Variants in AREL1 observed in about 807,000 individuals in gnomAD.
AREL1 encodes apoptosis-resistant E3 ubiquitin protein ligase 1.
In AREL1, 62 loss-of-function variants were observed where a neutral mutation model predicts 99.0. The ratio of observed to expected loss-of-function variants is 0.63; its 90% CI spans 0.51 to 0.77. AREL1 has a LOEUF of 0.77. AREL1 is among the 30% of genes least tolerant of loss of function. The pLI is 0.00. For missense variants in AREL1, 879 were observed against 1,027.6 expected (o/e 0.86, Z 1.98); for synonymous variants, 380 against 376.5 (o/e 1.01, Z -0.11).
chr14:74,674,382 T>C (rs980083272), intron 8 of AREL1, among the ~76,000 whole-genome samples: 1 of 152,144 alleles, frequency 6.6e-6, no homozygotes, highest in Non-Finnish European at 1.5e-5. Context: ...GGCAGATCAC[T>C]TGAGGCCAGG....
Position 74,669,787 on chromosome 14 carries a change from A to G in AREL1, c.1789-13T>C. On this transcript the variant is annotated splice_polypyrimidine_tract_variant and intron_variant, in intron 14 of 19. Coordinates refer to ENST00000356357, the MANE Select transcript of AREL1 (RefSeq NM_001039479.2). ...CTGTTTCAAAGTACTGAGGAGGCAG[A>G]AAGACACAGAACAGAACATGAATAC... The G allele has an allele frequency of 6.2e-7, 1 of 1,614,112 alleles. No individual in the cohort carries two copies. Among genetic ancestry groups the G allele is most frequent in the Non-Finnish European group, 8.5e-7 (1 of 1,179,976 alleles).
chr14:74,687,001 T>C (rs1431559617), intron 2 of AREL1, among the ~76,000 whole-genome samples: 8 of 152,136 alleles, frequency 5.3e-5, no homozygotes, highest in Non-Finnish European at 8.8e-5. Context: ...ACAGCTATCA[T>C]CTCAAAAATC....
chr14:74,699,345 A>AGG (rs1392551359), intron 1 of AREL1, among the ~76,000 whole-genome samples: 6 of 137,224 alleles, frequency 4.4e-5, no homozygotes, highest in East Asian at 2.1e-4. Flanking sequence ...AGTGACAGTG[A>AGG]GGGGTGTGTG....
chr14:74,678,839 T>C (rs2089558011), intron 5 of AREL1, among the ~76,000 whole-genome samples: 1 of 152,246 alleles, frequency 6.6e-6, no homozygotes, highest in South Asian at 2.1e-4. Context: ...AGACCAAAGA[T>C]TTCTTAGACA....
intron 3 of AREL1, 47 bp downstream of exon 3, chr14:74,685,553 G>A: frequency 6.2e-7 from 1 of 1,611,318 alleles, no homozygotes; most frequent in Non-Finnish European, 8.5e-7. Flanking sequence ...AAGGACCCAA[G>A]CAACCTTTAC....
chr14:74,679,627 G>T (rs913768461), intron 5 of AREL1, among the ~76,000 whole-genome samples: 13 of 151,992 alleles, frequency 8.6e-5, no homozygotes, highest in Non-Finnish European at 2.9e-5. Flanking sequence ...AGGAGTTTGA[G>T]ACCAGCCTGT....
At chr14:74,667,621 A>G in intron 15 of AREL1, 27 bp from the exon 16 acceptor site, 1 of 1,575,254 alleles carries the variant, frequency 6.3e-7, no homozygotes, top group Non-Finnish European at 8.6e-7. Context: ...AAGACAGACA[A>G]GGGAGAGGCT....
At position 74,684,550 on chromosome 14, in the gene AREL1, G is replaced by C; in HGVS notation, c.147C>G (p.Tyr49Ter). ...ERRGDRTIYD[Y>*]VRGNYLDPRS... Reference sequence around the variant, plus strand: ...GGGGATCCAGGTAATTTCCCCGCACGTAGTCATAAATAGTCCGGTCCCCTC... The same window carrying C: ...GGGGATCCAGGTAATTTCCCCGCACCTAGTCATAAATAGTCCGGTCCCCTC... The change falls in exon 4 of 20, where the codon TAC becomes TAG. Residue 49 changes from tyrosine (Y) to a stop codon, truncating the protein, a stop_gained. Transcript: ENST00000356357. LOFTEE classifies it high-confidence loss of function. The C allele has an allele frequency of 5.0e-6, 8 of 1,614,150 alleles. No homozygotes were observed. Among genetic ancestry groups the C allele is most frequent in the Non-Finnish European group, 6.8e-6 (8 of 1,180,020 alleles).
chr14:74,671,112 A>G (rs1490149310), intron 12 of AREL1, among the ~76,000 whole-genome samples: 1 of 152,132 alleles, frequency 6.6e-6, no homozygotes, highest in African/African-American at 2.4e-5. Flanking sequence ...CGGAGATCCC[A>G]GGAAATGGAC....
intron 1 of AREL1, among the ~76,000 whole-genome samples, chr14:74,709,005 A>C (rs1484131823): frequency 6.6e-6 from 1 of 151,568 alleles, no homozygotes; most frequent in Non-Finnish European, 1.5e-5. Context: ...AATAAGGTTA[A>C]ACAACCTCAA....
intron 2 of AREL1, chr14:74,691,147 G>C (rs1275470998): frequency 2.0e-5 from 3 of 152,074 alleles, no homozygotes; most frequent in Non-Finnish European, 2.9e-5. Flanking sequence ...GCAAAACCCT[G>C]TCTCTACAAA....
chr14:74,699,458 T>C (rs1381282908), intron 1 of AREL1, among the ~76,000 whole-genome samples: 1 of 151,510 alleles, frequency 6.6e-6, no homozygotes, highest in Non-Finnish European at 1.5e-5. Flanking sequence ...TAGAATGGCG[T>C]CCCATCCAGC....
chr14:74,711,155 T>C (rs1358119790), intron 1 of AREL1, among the ~76,000 whole-genome samples: 3 of 148,148 alleles, frequency 2.0e-5, no homozygotes, highest in Admixed American at 1.4e-4. Flanking sequence ...CGCTTAAACC[T>C]GGGAGGTGGA....
Position 74,663,826 on chromosome 14 carries a change from G to T in AREL1, c.2370-4C>A, listed in dbSNP as rs1459001580. ...AGGGAGGCACAGCTGGTTAAAACTG[G>T]AAGGGCAAGGGAGAAGTGATTAACT... On this transcript the variant is annotated splice_region_variant and splice_polypyrimidine_tract_variant and intron_variant, in intron 19 of 19. Coordinates refer to ENST00000356357, the MANE Select transcript of AREL1 (RefSeq NM_001039479.2). 6.2e-7 allele frequency: 1 copy of T among 1,614,168 alleles called. No homozygotes were observed. The highest frequency in any genetic ancestry group is 2.2e-5 in the East Asian group (1 of 44,882).
chr14:74,683,550 A>G lies in AREL1; in HGVS notation c.244-17T>C, dbSNP rs372395020. On this transcript the variant is annotated splice_polypyrimidine_tract_variant and intron_variant, in intron 4 of 19. Coordinates refer to ENST00000356357, the MANE Select transcript of AREL1 (RefSeq NM_001039479.2). ...ATAGAATAACTGCCATGGGGAGAAG[A>G]AGGACACCTGTTAGCAAGCAGAGGA... 3.6e-5 allele frequency: 58 copies of G among 1,610,196 alleles called. No individual in the cohort carries two copies. In the Admixed American group the frequency reaches 5.5e-4, roughly 15 times the overall value.
intron 5 of AREL1, among the ~76,000 whole-genome samples, chr14:74,677,497 CTCCT>C (rs2089515125): frequency 2.2e-5 from 3 of 133,888 alleles, no homozygotes; most frequent in Admixed American, 8.3e-5. Flanking sequence ...CCCTGTCTCT[CTCCT>C]TTTTTTTTTT....
At chr14:74,690,140 C>T (rs2089843231) in intron 2 of AREL1, among the ~76,000 whole-genome samples, 1 of 151,592 alleles carries the variant, frequency 6.6e-6, no homozygotes, top group Non-Finnish European at 1.5e-5. Flanking sequence ...ATCCAAGCTA[C>T]TGGAGGCAAG....
At chr14:74,698,539 G>A (rs2090017428) in intron 1 of AREL1, among the ~76,000 whole-genome samples, 1 of 152,196 alleles carries the variant, frequency 6.6e-6, no homozygotes, top group Admixed American at 6.5e-5. Context: ...CGTGATAAAA[G>A]CTAAAGTCAC....
In AREL1 at chr14:74,661,364, C is replaced by T. The variant is rs1329905094; in HGVS notation, c.*2356G>A. 1 of 455,920 alleles carries T rather than the reference C, an allele frequency of 2.2e-6. No individual in the cohort carries two copies. The allele number at this position is 455,920 out of a possible 1,614,324, so 28.2% of individuals were successfully genotyped here. On this transcript the variant is annotated 3_prime_UTR_variant, in exon 20 of 20. Transcript: ENST00000356357. Reference sequence around the variant, plus strand: ...AATCTGCAGCAGGGCTTGGTCTCTGCCAATTTTCCAGAAACATGCTGACAC... The same window carrying T: ...AATCTGCAGCAGGGCTTGGTCTCTGTCAATTTTCCAGAAACATGCTGACAC...
Sources: allele counts gnomAD v4.1 joint callset (sites outside exome capture counted in the v4.1 genomes callset), GRCh38; gene constraint gnomAD v4.1.1; transcripts MANE v1.5; gene names NCBI Gene and HGNC (gene_info 2026-07-23, HGNC 2026-07-21).